The following STK4 variants were observed in gnomAD, a reference collection of about 807,000 sequenced individuals.
STK4 encodes the protein serine/threonine-protein kinase 4.
A neutral mutation model predicts 64.9 loss-of-function variants in STK4; 30 were observed. The observed-to-expected ratio is 0.46, with a 90% CI of 0.35 to 0.63. The LOEUF is 0.63. Ranked by LOEUF, STK4 falls within the 20% of genes least tolerant of loss-of-function variation. The pLI is 0.01. For missense variants in STK4, 466 were observed against 598.5 expected, an observed-to-expected ratio of 0.78 and a Z score of 2.31; for synonymous variants, 177 against 199.0, an observed-to-expected ratio of 0.89 and a Z score of 0.93.
At chr20:44,992,415 C>T (rs1009489574) in intron 5 of STK4, among the ~76,000 whole-genome samples, 3 of 151,162 alleles carry the variant, frequency 2.0e-5, no homozygotes, top group East Asian at 3.9e-4. Context: ...TGTGCCACTT[C>T]GCCCAGTTAA....
intron 10 of STK4, among the ~76,000 whole-genome samples, chr20:45,049,562 A>G (rs767143844): frequency 5.9e-5 from 9 of 152,186 alleles, no homozygotes; most frequent in Non-Finnish European, 8.8e-5. Context: ...TAAAAATACC[A>G]TATACAATCT....
intron 4 of STK4, among the ~76,000 whole-genome samples, chr20:44,982,946 G>T (rs1232364596): frequency 6.6e-6 from 1 of 152,164 alleles, no homozygotes; most frequent in East Asian, 1.9e-4. Flanking sequence ...GTGGAGACTG[G>T]TGGGCTATTT....
At chr20:45,072,713 A>G (rs1211627919) in intron 10 of STK4, among the ~76,000 whole-genome samples, 1 of 152,256 alleles carries the variant, frequency 6.6e-6, no homozygotes, top group East Asian at 1.9e-4. Flanking sequence ...AGGCATTAGC[A>G]TGAAATAGAG....
chr20:45,028,577 C>G (rs757582664), intron 10 of STK4, among the ~76,000 whole-genome samples: 1 of 152,072 alleles, frequency 6.6e-6, no homozygotes, highest in African/African-American at 2.4e-5. Flanking sequence ...TCCTCCTGCC[C>G]GGGCCTCCCA....
chr20:45,006,431 T>C (rs1353479104), intron 9 of STK4, among the ~76,000 whole-genome samples: 1 of 152,028 alleles, frequency 6.6e-6, no homozygotes, highest in Non-Finnish European at 1.5e-5. Flanking sequence ...TTTATCTCTT[T>C]GAACATTTCA....
At chr20:45,046,384 A>G (rs9974037) in intron 10 of STK4, among the ~76,000 whole-genome samples, 1 of 151,730 alleles carries the variant, frequency 6.6e-6, no homozygotes, top group Non-Finnish European at 1.5e-5. Context: ...GCAGCAAGCC[A>G]TGACTGTGGC....
At chr20:45,014,019 CAGA>C (rs1159134086) in intron 9 of STK4, among the ~76,000 whole-genome samples, 6 of 151,970 alleles carry the variant, frequency 3.9e-5, no homozygotes, top group African/African-American at 1.5e-4. Context: ...TCTTAATATG[CAGA>C]AGAATAGTTT....
intron 10 of STK4, among the ~76,000 whole-genome samples, chr20:45,069,235 G>C (rs1272078544): frequency 6.6e-6 from 1 of 152,148 alleles, no homozygotes; most frequent in African/African-American, 2.4e-5. Flanking sequence ...TGATTAAGAG[G>C]CTTATTTTAG....
At chr20:45,012,951 T>A (rs1164396870) in intron 9 of STK4, among the ~76,000 whole-genome samples, 9 of 4,006 alleles carry the variant, frequency 2.2e-3, no homozygotes, top group South Asian at 0.027. Flanking sequence ...ACCTGTGATT[T>A]TTTTTTTTTT....
intron 9 of STK4, among the ~76,000 whole-genome samples, chr20:45,016,263 G>C (rs1318639875): frequency 6.6e-6 from 1 of 152,220 alleles, no homozygotes; most frequent in East Asian, 1.9e-4. Flanking sequence ...CCAGACTTTA[G>C]ATACACATGA....
At chr20:45,010,424 T>G (rs2068025048) in intron 9 of STK4, among the ~76,000 whole-genome samples, 1 of 152,204 alleles carries the variant, frequency 6.6e-6, no homozygotes, top group Non-Finnish European at 1.5e-5. Context: ...ATGTTATAAC[T>G]GCTAATAATA....
intron 9 of STK4, chr20:45,007,856 A>C: frequency 2.8e-6 from 1 of 351,334 alleles, no homozygotes. Context: ...CATAGGACCC[A>C]GTAGCTAGTT....
chr20:45,066,552 C>T (rs1332439348), intron 10 of STK4, among the ~76,000 whole-genome samples: 4 of 152,146 alleles, frequency 2.6e-5, no homozygotes, highest in Admixed American at 6.5e-5. Context: ...TGCTTGAAGC[C>T]AGATTTCTTT....
chr20:44,972,352 C>T (rs756181430), intron 2 of STK4, 194 bp downstream of exon 2: 89 of 489,678 alleles, frequency 1.8e-4, no homozygotes, highest in Non-Finnish European at 3.0e-4. Flanking sequence ...CTTTTTAACA[C>T]GAAGAATATC....
intron 10 of STK4, among the ~76,000 whole-genome samples, chr20:45,071,432 A>G (rs1179076871): frequency 6.6e-6 from 1 of 152,226 alleles, no homozygotes; most frequent in Non-Finnish European, 1.5e-5. Context: ...AAAAATCCAT[A>G]TCTGGATGAT....
In STK4 at chr20:45,078,487, G is replaced by GAGC. The variant is rs1457035217; in HGVS notation, c.*3312_*3314dup. ...CCCAAAGTGCTGGGATTACAGGCGTGAGCCACCTTGCCTGGCCAAAAATCT... is the reference window on the plus strand; with the variant it reads ...CCCAAAGTGCTGGGATTACAGGCGTGAGCAGCCACCTTGCCTGGCCAAAAATCT... On this transcript the variant is annotated 3_prime_UTR_variant, in exon 11 of 11. Coordinates refer to ENST00000372806, the MANE Select transcript of STK4 (RefSeq NM_006282.5). 3.9e-5 allele frequency: 6 copies of GAGC among 151,976 alleles called. No individual in the cohort carries two copies. Among genetic ancestry groups the GAGC allele is most frequent in the Non-Finnish European group, 8.8e-5 (6 of 68,066 alleles). 9.4% of individuals were successfully genotyped at this position (151,976 alleles called of 1,614,324 possible).
intron 4 of STK4, among the ~76,000 whole-genome samples, chr20:44,985,230 G>A (rs2067511749): frequency 6.6e-6 from 1 of 152,118 alleles, no homozygotes; most frequent in South Asian, 2.1e-4. Flanking sequence ...GCTTCATTAT[G>A]TATAAAATGA....
At chr20:44,995,387 C>T (rs1241137182) in intron 6 of STK4, 130 bp downstream of exon 6, 2 of 1,129,810 alleles carry the variant, frequency 1.8e-6, no homozygotes, top group Admixed American at 3.2e-5. Context: ...GGATGGATCA[C>T]CAGAGGTCAG....
At chr20:44,987,967 GTTTTTTTTTTATTA>G (rs2067560142) in intron 5 of STK4, among the ~76,000 whole-genome samples, 1 of 147,816 alleles carries the variant, frequency 6.8e-6, no homozygotes, top group African/African-American at 2.5e-5. Flanking sequence ...GTTATGTACG[GTTTTTTTTTTATTA>G]TTTTTTTTTT....
Sources: allele counts gnomAD v4.1 joint callset (sites outside exome capture counted in the v4.1 genomes callset), GRCh38; gene constraint gnomAD v4.1.1; transcripts MANE v1.5; gene names NCBI Gene and HGNC (gene_info 2026-07-23, HGNC 2026-07-21).